DNHD1: variants seen among roughly 807,000 people sequenced by gnomAD.
DNHD1 encodes dynein heavy chain domain-containing protein 1.
In DNHD1, 383 loss-of-function variants were observed where a neutral mutation model predicts 458.1. That is an observed-to-expected ratio of 0.84 (90% CI 0.77 to 0.91). The LOEUF is 0.91. DNHD1 is among the 40% of genes least tolerant of loss of function. The probability of loss-of-function intolerance (pLI) is 0.00; values close to 1 mark genes in which losing one functional copy is unlikely to be tolerated. For synonymous variants in DNHD1, 2,203 were observed against 2,376.9 expected (o/e 0.93, Z 2.13); for missense variants, 5,336 against 5,866.1 (o/e 0.91, Z 2.95).
At chr11:6,554,837 T>C (rs1293911858) in intron 24 of DNHD1, among the ~76,000 whole-genome samples, 1 of 152,236 alleles carries the variant, frequency 6.6e-6, no homozygotes, top group East Asian at 1.9e-4. Flanking sequence ...ATAAAAAATA[T>C]ATGCCAGTTT....
At chr11:6,566,108 C>T (rs1853689687) in intron 33 of DNHD1, 117 bp downstream of exon 33, 2 of 1,471,104 alleles carry the variant, frequency 1.4e-6, no homozygotes, top group African/African-American at 2.8e-5. Flanking sequence ...CAGGCACTAA[C>T]TATATTGAAG....
chr11:6,520,572 CTG>C (rs2134396172), intron 10 of DNHD1: 3 of 1,252,634 alleles, frequency 2.4e-6, no homozygotes, highest in Non-Finnish European at 3.0e-6. Flanking sequence ...ATCCCAAACT[CTG>C]TGAGGTTTTT....
At chr11:6,513,532 A>G (rs1485961042) in intron 7 of DNHD1, among the ~76,000 whole-genome samples, 2 of 152,220 alleles carry the variant, frequency 1.3e-5, no homozygotes, top group East Asian at 3.8e-4. Context: ...GTAATGTTCT[A>G]GGTAGCAGTG....
At chr11:6,532,307 A>G (rs985291202) in intron 12 of DNHD1, among the ~76,000 whole-genome samples, 1 of 152,184 alleles carries the variant, frequency 6.6e-6, no homozygotes, top group Non-Finnish European at 1.5e-5. Context: ...ACGGGATCTT[A>G]GATTTTATGA....
At chr11:6,521,091 G>A (rs1852596336) in intron 10 of DNHD1, among the ~76,000 whole-genome samples, 1 of 152,154 alleles carries the variant, frequency 6.6e-6, no homozygotes, top group South Asian at 2.1e-4. Flanking sequence ...TGTTTTACAT[G>A]GTGCTGTGGA....
chr11:6,569,134 G>C (rs1046837439), intron 39 of DNHD1, among the ~76,000 whole-genome samples: 1 of 152,162 alleles, frequency 6.6e-6, no homozygotes, highest in African/African-American at 2.4e-5. Context: ...GGTTGACGTG[G>C]ACATGCTGGG....
intron 14 of DNHD1, 57 bp downstream of exon 14, chr11:6,534,230 G>A (rs2134413840): frequency 6.7e-7 from 1 of 1,502,698 alleles, no homozygotes; most frequent in South Asian, 1.3e-5. Context: ...TTCAACTGAA[G>A]TAAGAGTTGG....
rs7483556 is a variant in DNHD1, at chr11:6,544,637, A to C, written c.3818A>C (p.His1273Pro). ...TGGATTTTTCTGAATAAAGTTCTGC[A>C]TGAGATGAAGATCCAGTTTCCTAAT... ...QKWIFLNKVL[H>P]EMKIQFPNAD... The change falls in exon 20 of 43, where the codon CAT becomes CCT. Residue 1273 changes from histidine (H) to proline (P), a missense_variant. Transcript: ENST00000254579. 6.4e-7 allele frequency: 1 copy of C among 1,551,618 alleles called. No individual in the cohort carries two copies. The highest frequency in any genetic ancestry group is 8.7e-7 in the Non-Finnish European group (1 of 1,146,974).
rs1589880323 is a variant in DNHD1 at position 6,536,810 on chromosome 11, A to G, written c.2999-1573A>G. Among the ~76,000 whole-genome samples, 12 of 152,334 alleles carry G rather than the reference A, an allele frequency of 7.9e-5. No homozygotes were observed. The South Asian group carries it at 2.5e-3, about 32-fold the overall frequency. ...AGATGATATCTCTGCTCTTTCTTAC[A>G]GATGAAGTTGTTTATTTGTCTAATA... On this transcript the variant is annotated intron_variant, in intron 14 of 42. Transcript: ENST00000254579.
Position 6,539,314 on chromosome 11 carries a change from G to C in DNHD1, c.3420+1G>C, listed in dbSNP as rs1404804515. ...GGAGTTTGCAGATCGAATCAACCAG[G>C]TGGGGCCCTCAGTACAGGGGCGAGG... On this transcript the variant is annotated splice_donor_variant, in intron 17 of 42. Transcript: ENST00000254579. LOFTEE classifies it high-confidence loss of function. 8 of 1,550,566 alleles carry C rather than the reference G, an allele frequency of 5.2e-6. No homozygotes were observed. The highest frequency in any genetic ancestry group is 7.0e-6 in the Non-Finnish European group (8 of 1,146,094).
In DNHD1 at chr11:6,528,953, T is replaced by TG. The variant is rs1263825842; in HGVS notation, c.2184dup (p.Pro729AlafsTer46). On this transcript the variant is annotated frameshift_variant, in exon 12 of 43. Coordinates refer to ENST00000254579, the MANE Select transcript of DNHD1 (RefSeq NM_144666.3). LOFTEE classifies it high-confidence loss of function. ...AGGCATTTATGAATTCCTGCAATCC[T>TG]GGGGGCCTCAGAAGCTGGAAGACAT... 6.4e-7 allele frequency: 1 copy of TG among 1,551,694 alleles called. No individual in the cohort carries two copies. The highest frequency in any genetic ancestry group is 2.4e-5 in the East Asian group (1 of 40,928).
chr11:6,571,359 G>T lies in DNHD1; in HGVS notation c.13847G>T (p.Gly4616Val), dbSNP rs1467398457. 1.9e-6 allele frequency: 3 copies of T among 1,612,278 alleles called. No individual in the cohort carries two copies. Among genetic ancestry groups the T allele is most frequent in the Non-Finnish European group, 2.5e-6 (3 of 1,179,428 alleles). Residue 4616 changes from glycine to valine, a missense_variant, in exon 42 of 43, where the codon GGC becomes GTC. Coordinates refer to ENST00000254579, the MANE Select transcript of DNHD1 (RefSeq NM_144666.3). This position sits in a 1 kb window ranked among gnomAD's most constrained non-coding sequence, Gnocchi z 5.0. ...AGCTCGAATTTCCCTGGTAGCCGAGGCTCGGTCTCCAGTCAGCTCCAGTAT... is the reference window on the plus strand; with the variant it reads ...AGCTCGAATTTCCCTGGTAGCCGAGTCTCGGTCTCCAGTCAGCTCCAGTAT... ...VPSSNFPGSR[G>V]SVSSQLQYKR...
At chr11:6,509,990 T>G (rs182634663) in intron 6 of DNHD1, among the ~76,000 whole-genome samples, 30 of 152,336 alleles carry the variant, frequency 2.0e-4, no homozygotes, top group African/African-American at 7.0e-4. Context: ...TCCAGTGTGA[T>G]CAGCTACCTT....
intron 13 of DNHD1, 81 bp from the exon 14 acceptor site, chr11:6,533,600 G>A: frequency 1.4e-6 from 2 of 1,470,262 alleles, no homozygotes; most frequent in Non-Finnish European, 1.8e-6. Context: ...CACTCCAAAA[G>A]GTGGGAGTTC....
Position 6,498,024 on chromosome 11 carries a change from C to G in DNHD1, c.-192C>G. ...TCTGTAGCTCCATCTATTTCCCTGT[C>G]CCAGGTCCTTTCTTCCTCCTAACCC... On this transcript the variant is annotated 5_prime_UTR_variant, in exon 3 of 43. Coordinates refer to ENST00000254579, the MANE Select transcript of DNHD1 (RefSeq NM_144666.3). 1 of 729,350 alleles carries G rather than the reference C, an allele frequency of 1.4e-6. No individual in the cohort carries two copies. Among genetic ancestry groups the G allele is most frequent in the Non-Finnish European group, 2.3e-6 (1 of 435,270 alleles). The allele number at this position is 729,350 out of a possible 1,614,324, so 45.2% of individuals were successfully genotyped here.
At chr11:6,529,956 A>T (rs978810383) in intron 12 of DNHD1, among the ~76,000 whole-genome samples, 1 of 152,160 alleles carries the variant, frequency 6.6e-6, no homozygotes, top group East Asian at 1.9e-4. Context: ...GGCTACCCCC[A>T]TGGCTTTTGC....
At chr11:6,500,341 G>A (rs1306550324) in intron 3 of DNHD1, among the ~76,000 whole-genome samples, 2 of 152,228 alleles carry the variant, frequency 1.3e-5, no homozygotes, top group East Asian at 3.8e-4. Flanking sequence ...GCAGCTGTCT[G>A]TGGCACATTT....
In DNHD1 at chr11:6,548,292, G is replaced by T. The variant is rs1343010181; in HGVS notation, c.6988G>T (p.Val2330Leu). 8 of 1,551,674 alleles carry T rather than the reference G, an allele frequency of 5.2e-6. No homozygotes were observed. In the South Asian group the frequency reaches 9.5e-5, roughly 18 times the overall value. ...NYPEPPPSAL[V>L]FDLHVSPEDG... ...CCCTGAGCCACCACCCTCAGCCTTG[G>T]TGTTTGATCTACATGTAAGCCCTGA... The change falls in exon 23 of 43, where the codon GTG becomes TTG. Residue 2330 changes from valine (V) to leucine (L), a missense_variant. By Grantham distance (32) the Val-to-Leu change is conservative. Around this residue, in one of 4 missense-constraint regions of DNHD1, gnomAD observed 3,932 missense variants for 4,365.6 expected, o/e 0.90. Coordinates refer to ENST00000254579, the MANE Select transcript of DNHD1 (RefSeq NM_144666.3). This position sits in a 1 kb window ranked among gnomAD's most constrained non-coding sequence, Gnocchi z 4.4.
intron 24 of DNHD1, among the ~76,000 whole-genome samples, chr11:6,550,772 T>C (rs910409978): frequency 1.3e-5 from 2 of 152,040 alleles, no homozygotes; most frequent in African/African-American, 4.8e-5. Flanking sequence ...TTACCAGAGA[T>C]AGAAAAGGAC....
Sources: allele counts gnomAD v4.1 joint callset (sites outside exome capture counted in the v4.1 genomes callset), GRCh38; gene constraint gnomAD v4.1.1; regional missense constraint gnomAD v4.1.1; non-coding constraint Gnocchi (gnomAD v3.1); transcripts MANE v1.5; gene names NCBI Gene and HGNC (gene_info 2026-07-23, HGNC 2026-07-21).